Variants in GALNTL6 observed in about 807,000 individuals in gnomAD.
The protein encoded by GALNTL6 is polypeptide N-acetylgalactosaminyltransferase like 6.
A neutral mutation model predicts 73.7 loss-of-function variants in GALNTL6; 46 were observed. The observed-to-expected ratio is 0.62, with a 90% CI of 0.49 to 0.80. The LOEUF (loss-of-function observed/expected upper bound fraction) is 0.80, where lower values mean the gene tolerates loss of function less well. GALNTL6 is among the 30% of genes least tolerant of loss of function. The pLI is 0.00. For synonymous variants in GALNTL6, 259 were observed against 263.7 expected, an observed-to-expected ratio of 0.98 and a Z score of 0.17; for missense variants, 604 against 755.0, an observed-to-expected ratio of 0.80 and a Z score of 2.34.
chr4:172,227,929 A>AT (rs1365916327), intron 2 of GALNTL6, among the ~76,000 whole-genome samples: 2 of 152,182 alleles, frequency 1.3e-5, no homozygotes, highest in Non-Finnish European at 2.9e-5. Flanking sequence ...TTATTTTAAA[A>AT]TTATCTATTT....
At position 172,157,581 on chromosome 4, in the gene GALNTL6, G is replaced by C. The variant is rs145205971; in HGVS notation, c.139-72075G>C. Among the ~76,000 whole-genome samples the C allele has an allele frequency of 3.7e-3, 563 of 152,092 alleles. 4 individuals are homozygous for C. The highest frequency in any genetic ancestry group is 0.013 in the African/African-American group (528 of 41,486). ...TAGAAGACAAGTCAATTTACCTCAA[G>C]ATACTTGTTTCCCTGTAATCAATTG... On this transcript the variant is annotated intron_variant, in intron 2 of 12. Transcript: ENST00000506823.
chr4:172,395,805 G>GAACCGGCAACATTAATTAATT (rs1378819161), intron 5 of GALNTL6, among the ~76,000 whole-genome samples: 4 of 152,078 alleles, frequency 2.6e-5, no homozygotes, highest in Admixed American at 2.0e-4. Flanking sequence ...ATTTAAACAT[G>GAACCGGCAACATTAATTAATT]AATGTAATTT....
chr4:172,090,996 G>C (rs1732187216), intron 2 of GALNTL6, among the ~76,000 whole-genome samples: 1 of 152,132 alleles, frequency 6.6e-6, no homozygotes, highest in Non-Finnish European at 1.5e-5. Context: ...TCAAAGATCA[G>C]ATGTTGTAGA....
intron 5 of GALNTL6, among the ~76,000 whole-genome samples, chr4:172,660,305 A>G (rs1326849919): frequency 6.6e-6 from 1 of 152,194 alleles, no homozygotes; most frequent in African/African-American, 2.4e-5. Context: ...TTAATGCTGG[A>G]CAGTAGCCTC....
At chr4:172,851,515 C>T (rs1743819668) in intron 7 of GALNTL6, among the ~76,000 whole-genome samples, 1 of 151,958 alleles carries the variant, frequency 6.6e-6, no homozygotes, top group African/African-American at 2.4e-5. Flanking sequence ...CAACTACTCA[C>T]AAATAAAGAC....
At chr4:172,200,786 T>C (rs1735926623) in intron 2 of GALNTL6, among the ~76,000 whole-genome samples, 1 of 152,198 alleles carries the variant, frequency 6.6e-6, no homozygotes. Context: ...GAGAATAACA[T>C]AAGTAGTAAC....
intron 3 of GALNTL6, among the ~76,000 whole-genome samples, chr4:172,292,282 A>AT (rs879449497): frequency 9.7e-4 from 148 of 152,288 alleles, no homozygotes; most frequent in Non-Finnish European, 1.8e-3. Flanking sequence ...CATAAAAAAA[A>AT]AACTTCCTGA....
intron 10 of GALNTL6, among the ~76,000 whole-genome samples, chr4:172,968,431 G>A (rs1014096679): frequency 3.3e-5 from 5 of 152,214 alleles, no homozygotes; most frequent in East Asian, 3.9e-4. Flanking sequence ...CCATGCTAAC[G>A]CAGAGTTACC....
chr4:171,848,450 T>C (rs1074225), intron 2 of GALNTL6, among the ~76,000 whole-genome samples: 92,617 of 151,994 alleles, frequency 0.61, 29,811 homozygotes, highest in South Asian at 0.79. Flanking sequence ...GAGAGTCAGC[T>C]TGTGCTTTGA....
chr4:172,194,818 A>G (rs1224701531), intron 2 of GALNTL6, among the ~76,000 whole-genome samples: 1 of 152,140 alleles, frequency 6.6e-6, no homozygotes, highest in African/African-American at 2.4e-5. Context: ...GAAAGGAAAA[A>G]CTGTTACTAG....
intron 2 of GALNTL6, among the ~76,000 whole-genome samples, chr4:172,138,992 T>A (rs2111034341): frequency 6.6e-6 from 1 of 152,232 alleles, no homozygotes; most frequent in East Asian, 1.9e-4. Flanking sequence ...AAATCTATCT[T>A]GTATATAACC....
At chr4:172,321,889 C>G in intron 4 of GALNTL6, among the ~76,000 whole-genome samples, 1 of 152,140 alleles carries the variant, frequency 6.6e-6, no homozygotes, top group South Asian at 2.1e-4. Context: ...GAAAGGCAGT[C>G]TTCTAAGAGA....
chr4:172,385,809 T>G (rs1743445139), intron 5 of GALNTL6, among the ~76,000 whole-genome samples: 1 of 151,972 alleles, frequency 6.6e-6, no homozygotes, highest in Non-Finnish European at 1.5e-5. Context: ...TTTTACCATG[T>G]CTTTTGCTTC....
chr4:172,726,990 C>T (rs1440407472), intron 5 of GALNTL6, among the ~76,000 whole-genome samples: 1 of 152,042 alleles, frequency 6.6e-6, no homozygotes, highest in Non-Finnish European at 1.5e-5. Flanking sequence ...CTCTCAAAGG[C>T]GAAAGACATC....
At chr4:172,297,473 G>A (rs967547476) in intron 3 of GALNTL6, among the ~76,000 whole-genome samples, 3 of 152,214 alleles carry the variant, frequency 2.0e-5, no homozygotes, top group African/African-American at 7.2e-5. Flanking sequence ...TTCTTCTAGG[G>A]TTTTTATGGT....
intron 2 of GALNTL6, among the ~76,000 whole-genome samples, chr4:171,982,140 C>G (rs755592050): frequency 3.9e-5 from 6 of 151,990 alleles, no homozygotes; most frequent in Non-Finnish European, 7.4e-5. Context: ...CTGTTAATAT[C>G]CTGACATTAA....
chr4:172,149,493 A>G (rs1367088716), intron 2 of GALNTL6, among the ~76,000 whole-genome samples: 3 of 151,690 alleles, frequency 2.0e-5, no homozygotes, highest in Admixed American at 1.3e-4. Flanking sequence ...GAGGTGTGTC[A>G]TTGCACTCAC....
intron 2 of GALNTL6, among the ~76,000 whole-genome samples, chr4:172,066,081 A>G (rs778931488): frequency 6.6e-5 from 10 of 152,196 alleles, no homozygotes; most frequent in Non-Finnish European, 1.3e-4. Flanking sequence ...GTTGATGAGC[A>G]CACATTGACA....
chr4:172,211,387 A>G (rs1219707390), intron 2 of GALNTL6, among the ~76,000 whole-genome samples: 1 of 152,182 alleles, frequency 6.6e-6, no homozygotes, highest in Non-Finnish European at 1.5e-5. Flanking sequence ...ATCTGTTGCT[A>G]TATTAAGTTA....
Sources: gnomAD v4.1 joint callset for allele counts (sites outside exome capture counted in the v4.1 genomes callset) on GRCh38, gnomAD v4.1.1 for gene constraint, MANE v1.5 for transcripts, NCBI Gene and HGNC (gene_info 2026-07-23, HGNC 2026-07-21) for gene names.